Variants in MICU1 observed in about 807,000 individuals in gnomAD.
MICU1 encodes the protein calcium uptake protein 1, mitochondrial.
In MICU1, 45 loss-of-function variants were observed where a neutral mutation model predicts 56.8. The observed-to-expected ratio is 0.79, with a 90% CI of 0.62 to 1.02. The LOEUF (loss-of-function observed/expected upper bound fraction) is 1.02, where lower values mean the gene tolerates loss of function less well. MICU1 is among the 50% of genes least tolerant of loss of function. The pLI is 0.00. For missense variants in MICU1, 504 were observed against 587.1 expected (o/e 0.86, Z 1.46); for synonymous variants, 186 against 195.1 (o/e 0.95, Z 0.39).
chr10:72,554,445 A>G (rs1464721444), intron 3 of MICU1, among the ~76,000 whole-genome samples: 1 of 152,232 alleles, frequency 6.6e-6, no homozygotes, highest in Non-Finnish European at 1.5e-5. Flanking sequence ...GGTAATATAG[A>G]GAAAAGAGAA....
intron 5 of MICU1, chr10:72,531,408 G>A (rs1406369524): frequency 6.6e-6 from 1 of 152,090 alleles, no homozygotes. Flanking sequence ...TTTTCTGGAT[G>A]AGAGAACAAA....
intron 6 of MICU1, among the ~76,000 whole-genome samples, chr10:72,480,259 G>A (rs1275878120): frequency 1.3e-5 from 2 of 152,206 alleles, no homozygotes; most frequent in African/African-American, 4.8e-5. Flanking sequence ...CAGCATGACT[G>A]GCTTAGACTA....
Position 72,563,082 on chromosome 10 carries a change from A to C in MICU1, c.162-19T>G. On this transcript the variant is annotated intron_variant, in intron 2 of 11. Transcript: ENST00000361114. Reference sequence around the variant, plus strand: ...ATGGGCCCTGGATATGCAAAAAAGAAATCTAGATTAATCTTGAACGTCCAT... The same window carrying C: ...ATGGGCCCTGGATATGCAAAAAAGACATCTAGATTAATCTTGAACGTCCAT... 1 of 1,484,494 alleles carries C rather than the reference A, an allele frequency of 6.7e-7. No homozygotes were observed. The highest frequency in any genetic ancestry group is 1.5e-5 in the South Asian group (1 of 67,370). 92.0% of individuals were successfully genotyped at this position (1,484,494 alleles called of 1,614,324 possible). A position where few individuals can be genotyped will look rare whatever the true frequency, so the allele number is the denominator to read the frequency against.
rs149137068 is a variant in MICU1 at position 72,624,366 on chromosome 10, G to A, written c.-2+1644C>T. Among the ~76,000 whole-genome samples the A allele has an allele frequency of 1.2e-3, 186 of 152,080 alleles. 1 individual carries two copies. Among genetic ancestry groups the A allele is most frequent in the African/African-American group, 4.0e-3 (167 of 41,492 alleles). On this transcript the variant is annotated intron_variant, in intron 1 of 11. Coordinates refer to ENST00000361114, the MANE Select transcript of MICU1 (RefSeq NM_001195518.2). ...TGCGCCCAGCTAATTTTTGTGTTTT[G>A]TAGAGATGGTCTTGCCATATTGCCC...
intron 1 of MICU1, among the ~76,000 whole-genome samples, chr10:72,622,769 G>A (rs1359527470): frequency 6.6e-6 from 1 of 152,082 alleles, no homozygotes; most frequent in Admixed American, 6.6e-5. Context: ...CCAAAAATAA[G>A]CATATTACTT....
intron 8 of MICU1, among the ~76,000 whole-genome samples, chr10:72,465,336 C>G (rs897309710): frequency 2.1e-5 from 3 of 143,420 alleles, no homozygotes; most frequent in African/African-American, 7.6e-5. Flanking sequence ...TGGTAAAAAC[C>G]CTTAAACATA....
intron 10 of MICU1, among the ~76,000 whole-genome samples, chr10:72,376,217 G>A (rs919723683): frequency 2.6e-5 from 4 of 151,728 alleles, no homozygotes; most frequent in Middle Eastern, 3.2e-3. Flanking sequence ...GGCGGAGGTT[G>A]CAGTGAGCTG....
intron 6 of MICU1, among the ~76,000 whole-genome samples, chr10:72,488,374 T>C (rs1182786790): frequency 6.6e-6 from 1 of 152,106 alleles, no homozygotes; most frequent in Non-Finnish European, 1.5e-5. Context: ...GAAACTAAGA[T>C]TTACCATATG....
intron 6 of MICU1, among the ~76,000 whole-genome samples, chr10:72,500,700 T>C (rs561003326): frequency 6.6e-6 from 1 of 152,314 alleles, no homozygotes; most frequent in African/African-American, 2.4e-5. Flanking sequence ...TTAATAACTT[T>C]AGATTGAACA....
rs774414226 is a variant in MICU1, at chr10:72,377,548, A to G, written c.1181-1676T>C. Among the ~76,000 whole-genome samples the G allele has an allele frequency of 3.5e-4, 54 of 152,146 alleles. 1 individual carries two copies. The highest frequency in any genetic ancestry group is 8.5e-4 in the Admixed American group (13 of 15,280). ...CATTCACCGTCAAACACTAGCAATT[A>G]TGTTAGAATTGGGTTCTCATGAAAG... On this transcript the variant is annotated intron_variant, in intron 10 of 11. Coordinates refer to ENST00000361114, the MANE Select transcript of MICU1 (RefSeq NM_001195518.2).
intron 6 of MICU1, among the ~76,000 whole-genome samples, chr10:72,500,834 A>G (rs1867046347): frequency 6.6e-6 from 1 of 152,234 alleles, no homozygotes; most frequent in African/African-American, 2.4e-5. Context: ...AAGTCAATAA[A>G]TAATATTTAG....
At chr10:72,441,548 AT>A (rs201587967) in intron 8 of MICU1, among the ~76,000 whole-genome samples, 1 of 135,138 alleles carries the variant, frequency 7.4e-6, no homozygotes, top group African/African-American at 3.3e-5. Flanking sequence ...AACTTAAATT[AT>A]TTAAAAAAAA....
chr10:72,438,747 T>C (rs1211621811), intron 8 of MICU1, among the ~76,000 whole-genome samples: 1 of 152,100 alleles, frequency 6.6e-6, no homozygotes, highest in Non-Finnish European at 1.5e-5. Context: ...AAATACAAAC[T>C]ACCATCAGAG....
At chr10:72,427,763 T>TATATATATAC (rs1231292139) in intron 8 of MICU1, among the ~76,000 whole-genome samples, 3 of 101,852 alleles carry the variant, frequency 2.9e-5, no homozygotes, top group Non-Finnish European at 4.4e-5. Context: ...TATATATATA[T>TATATATATAC]ATATATGAAT....
chr10:72,487,173 T>C lies in MICU1; in HGVS notation c.653-9917A>G, dbSNP rs143238979. The stretch of plus-strand genomic sequence containing the variant: ...AGCCCACAGTGTGGCAGACCATCCA[T>C]ATCAATTTGCAAGGAAAAAAATTCA... On this transcript the variant is annotated intron_variant, in intron 6 of 11. Coordinates refer to ENST00000361114, the MANE Select transcript of MICU1 (RefSeq NM_001195518.2). Among the ~76,000 whole-genome samples, 873 of 152,262 alleles carry C rather than the reference T, an allele frequency of 5.7e-3. 25 individuals carry two copies. The highest frequency in any genetic ancestry group is 0.052 in the Admixed American group (793 of 15,274).
At chr10:72,544,602 C>T (rs1045892143) in intron 4 of MICU1, among the ~76,000 whole-genome samples, 6 of 152,180 alleles carry the variant, frequency 3.9e-5, no homozygotes, top group Admixed American at 3.3e-4. Flanking sequence ...TCTCCCCATG[C>T]CACTGTTTCC....
rs551756843 is a variant in MICU1 at position 72,457,967 on chromosome 10, G to A, written c.933+17133C>T. On this transcript the variant is annotated intron_variant, in intron 8 of 11. Coordinates refer to ENST00000361114, the MANE Select transcript of MICU1 (RefSeq NM_001195518.2). ...GTGGATCATCTGAGGTCAGGAGTTC[G>A]AGACCAGCCTGGCCAACATGGTAAA... is the stretch of plus-strand genomic sequence containing the variant. Among the ~76,000 whole-genome samples, 220 of 152,044 alleles carry A rather than the reference G, an allele frequency of 1.4e-3. 1 individual carries two copies. Among genetic ancestry groups the A allele is most frequent in the Middle Eastern group, 3.4e-3 (1 of 294 alleles).
intron 8 of MICU1, among the ~76,000 whole-genome samples, chr10:72,443,487 G>A (rs1345094437): frequency 1.3e-5 from 2 of 152,032 alleles, no homozygotes; most frequent in African/African-American, 4.8e-5. Flanking sequence ...TTTCTTCTAG[G>A]GTTTTTATGG....
In MICU1 at chr10:72,375,872, A is replaced by C; in HGVS notation, c.1181T>G (p.Val394Gly). Residue 394 changes from valine (V) to glycine (G), a missense_variant and splice_region_variant, in exon 11 of 12, where the codon GTG becomes GGG. Physicochemically the swap from Val to Gly is moderately radical, Grantham distance 109 (BLOSUM62 -3). Coordinates refer to ENST00000361114, the MANE Select transcript of MICU1 (RefSeq NM_001195518.2). Reference protein sequence around the residue: ...YHMAGASLDKVTMQQVARTVA... With the variant: ...YHMAGASLDKGTMQQVARTVA... ...TGTCCTGGCCACCTGCTGCATGGTC[A>C]CTGAAAAAAGAAAGAGGTGCATTAG... 6.2e-7 allele frequency: 1 copy of C among 1,612,580 alleles called. No homozygotes were observed. The highest frequency in any genetic ancestry group is 1.3e-5 in the African/African-American group (1 of 75,026).
Sources: allele counts gnomAD v4.1 joint callset (sites outside exome capture counted in the v4.1 genomes callset), GRCh38; gene constraint gnomAD v4.1.1; transcripts MANE v1.5; gene names NCBI Gene and HGNC (gene_info 2026-07-23, HGNC 2026-07-21).